ANKRD30B: variants seen among roughly 807,000 people sequenced by gnomAD.
The protein encoded by ANKRD30B is ankyrin repeat domain-containing protein 30B.
In ANKRD30B, 144 loss-of-function variants were observed where a neutral mutation model predicts 202.2. The ratio of observed to expected loss-of-function variants is 0.71; its 90% CI spans 0.62 to 0.82. The LOEUF (loss-of-function observed/expected upper bound fraction) is 0.82. Ranked by LOEUF, ANKRD30B falls within the 40% of genes least tolerant of loss-of-function variation. The probability of loss-of-function intolerance (pLI) is 0.00; values close to 1 mark genes in which losing one functional copy is unlikely to be tolerated. For synonymous variants in ANKRD30B, 508 were observed against 561.3 expected (o/e 0.91, Z 1.34); for missense variants, 1,487 against 1,669.1 (o/e 0.89, Z 1.90).
intron 6 of ANKRD30B, among the ~76,000 whole-genome samples, chr18:14,761,146 G>A (rs949119357): frequency 6.6e-6 from 1 of 152,154 alleles, no homozygotes; most frequent in African/African-American, 2.4e-5. Context: ...TAATAATGGA[G>A]AGTAGGAATT....
intron 11 of ANKRD30B, among the ~76,000 whole-genome samples, chr18:14,781,443 C>T (rs1440493931): frequency 5.7e-5 from 7 of 122,780 alleles, no homozygotes; most frequent in Admixed American, 4.9e-4. Flanking sequence ...TACAGGCGCC[C>T]GCCACCACGC....
intron 14 of ANKRD30B, 57 bp downstream of exon 14, chr18:14,784,592 T>C (rs1967958411): frequency 2.0e-6 from 3 of 1,522,770 alleles, no homozygotes; most frequent in Admixed American, 1.8e-5. Flanking sequence ...GACATTTTGA[T>C]AGTCTTTCTA....
chr18:14,939,339 A>G, the ANKRD30B span, among the ~76,000 whole-genome samples: 2 of 152,166 alleles, frequency 1.3e-5, no homozygotes, highest in African/African-American at 4.8e-5. Flanking sequence ...GAAACACCTT[A>G]GCTCCCTGGC....
intron 16 of ANKRD30B, 143 bp downstream of exon 16, chr18:14,791,634 T>C (rs1968516436): frequency 3.1e-6 from 2 of 648,586 alleles, no homozygotes; most frequent in Non-Finnish European, 2.6e-6. Context: ...TGATAAGTTA[T>C]ACGTCTTATC....
intron 11 of ANKRD30B, among the ~76,000 whole-genome samples, chr18:14,782,012 G>A (rs1473430909): frequency 6.6e-6 from 1 of 152,116 alleles, no homozygotes; most frequent in Admixed American, 6.5e-5. Context: ...TTTGTTTAAC[G>A]AAAGGTAAAG....
rs193057114 is a variant in ANKRD30B at position 14,753,655 on chromosome 18, G to A, written c.510+643G>A. On this transcript the variant is annotated intron_variant, in intron 3 of 43. Coordinates refer to ENST00000690538, the MANE Select transcript of ANKRD30B (RefSeq NM_001367607.2). ...ACATTAATTCATTAATACTGGGGTT[G>A]ACTTCTAGAATTTCGAAGACTTTTT... Among the ~76,000 whole-genome samples the A allele has an allele frequency of 2.8e-4, 42 of 152,206 alleles. 1 individual carries two copies. In the East Asian group the frequency reaches 7.3e-3, roughly 27 times the overall value.
intron 3 of ANKRD30B, among the ~76,000 whole-genome samples, chr18:14,753,939 G>A (rs1282501577): frequency 6.6e-6 from 1 of 151,110 alleles, no homozygotes; most frequent in Non-Finnish European, 1.5e-5. Context: ...AAATTAAGTA[G>A]CAATTACAAT....
At chr18:14,780,909 T>G (rs1341760842) in intron 11 of ANKRD30B, among the ~76,000 whole-genome samples, 1 of 152,194 alleles carries the variant, frequency 6.6e-6, no homozygotes, top group Non-Finnish European at 1.5e-5. Context: ...AATAGAACTC[T>G]TTGGGTCCGT....
intron 36 of ANKRD30B, among the ~76,000 whole-genome samples, chr18:14,838,499 A>G (rs1889210516): frequency 6.6e-6 from 1 of 152,216 alleles, no homozygotes; most frequent in Non-Finnish European, 1.5e-5. Flanking sequence ...GTTGAGTAGT[A>G]TTTTAATAAG....
the ANKRD30B span, among the ~76,000 whole-genome samples, chr18:14,923,571 G>A: frequency 2.6e-5 from 4 of 152,084 alleles, no homozygotes. Context: ...CCTGGGTCCT[G>A]GAAGAACTCA....
intron 30 of ANKRD30B, chr18:14,816,001 A>G (rs1970081052): frequency 6.6e-6 from 1 of 152,198 alleles, no homozygotes; most frequent in Admixed American, 6.5e-5. Context: ...TTCACTGCTG[A>G]GATGTCAGTT....
intron 30 of ANKRD30B, among the ~76,000 whole-genome samples, chr18:14,818,693 A>G (rs1255445086): frequency 6.6e-6 from 1 of 152,002 alleles, no homozygotes; most frequent in Non-Finnish European, 1.5e-5. Flanking sequence ...ACATGAACTC[A>G]TCATTTTTTA....
chr18:14,848,084 T>C (rs552155501), intron 39 of ANKRD30B, among the ~76,000 whole-genome samples: 1 of 152,262 alleles, frequency 6.6e-6, no homozygotes, highest in South Asian at 2.1e-4. Context: ...TCAGTTTTTG[T>C]TTCCTGTGTC....
Position 14,752,051 on chromosome 18 carries a change from T to G in ANKRD30B, c.222-515T>G, listed in dbSNP as rs1301508229. On this transcript the variant is annotated intron_variant, in intron 1 of 43. Coordinates refer to ENST00000690538, the MANE Select transcript of ANKRD30B (RefSeq NM_001367607.2). ...AGAATCATTAAAATACTGTGTTATC[T>G]CTAACCTTTAAAACACACCACGAAG... Among the ~76,000 whole-genome samples the G allele has an allele frequency of 8.5e-5, 13 of 152,336 alleles. No individual in the cohort carries two copies. In the East Asian group the frequency reaches 2.5e-3, roughly 29 times the overall value.
At chr18:14,792,635 T>G (rs1968601995) in intron 16 of ANKRD30B, among the ~76,000 whole-genome samples, 1 of 151,948 alleles carries the variant, frequency 6.6e-6, no homozygotes, top group Admixed American at 6.6e-5. Flanking sequence ...TGTTAGAGTG[T>G]GGGTGCTCCA....
At chr18:14,810,299 C>A in intron 28 of ANKRD30B, 119 bp downstream of exon 28, 1 of 616,632 alleles carries the variant, frequency 1.6e-6, no homozygotes, top group East Asian at 3.6e-5. Flanking sequence ...AAATTTGATA[C>A]AAATAATGCA....
At chr18:14,810,530 C>T (rs2144059101) in intron 28 of ANKRD30B, among the ~76,000 whole-genome samples, 1 of 151,096 alleles carries the variant, frequency 6.6e-6, no homozygotes, top group Non-Finnish European at 1.5e-5. Context: ...CTGATCTTTA[C>T]TTTGAGGAAA....
chr18:14,898,364 G>A, the ANKRD30B span, among the ~76,000 whole-genome samples: 2 of 151,972 alleles, frequency 1.3e-5, no homozygotes, highest in Admixed American at 6.6e-5. Context: ...CATAAGGAGC[G>A]CAAAACCTAG....
chr18:14,791,012 A>T (rs543034219), intron 15 of ANKRD30B, among the ~76,000 whole-genome samples: 4 of 152,182 alleles, frequency 2.6e-5, no homozygotes, highest in African/African-American at 9.6e-5. Flanking sequence ...CTGTAAATCC[A>T]TCTGGTCCTG....
Sources: gnomAD v4.1 joint callset for allele counts (sites outside exome capture counted in the v4.1 genomes callset) on GRCh38, gnomAD v4.1.1 for gene constraint, MANE v1.5 for transcripts, NCBI Gene and HGNC (gene_info 2026-07-23, HGNC 2026-07-21) for gene names.